The following SSBP2 variants were observed in gnomAD, a reference collection of about 807,000 sequenced individuals.
SSBP2 encodes single-stranded DNA-binding protein 2.
Under a neutral mutation model 61.8 loss-of-function variants are expected in SSBP2, and 17 were observed. The ratio of observed to expected loss-of-function variants is 0.28; its 90% CI spans 0.19 to 0.41. The LOEUF (loss-of-function observed/expected upper bound fraction) is 0.41. Ranked by LOEUF, SSBP2 falls within the 10% of genes least tolerant of loss-of-function variation. The probability of loss-of-function intolerance (pLI) is 1.00; values close to 1 mark genes in which losing one functional copy is unlikely to be tolerated. For synonymous variants in SSBP2, 139 were observed against 141.3 expected (o/e 0.98, Z 0.12); for missense variants, 310 against 458.7 (o/e 0.68, Z 2.96).
chr5:81,554,457 ATAAT>A (rs1772441378), intron 4 of SSBP2, among the ~76,000 whole-genome samples: 1 of 150,598 alleles, frequency 6.6e-6, no homozygotes. Flanking sequence ...ATTTTAGATA[ATAAT>A]TATATATTTA....
At chr5:81,477,274 A>C (rs528366210) in intron 6 of SSBP2, among the ~76,000 whole-genome samples, 1 of 152,296 alleles carries the variant, frequency 6.6e-6, no homozygotes, top group East Asian at 1.9e-4. Flanking sequence ...ATGCAGGTGT[A>C]TATGTACATG....
At chr5:81,701,898 G>C (rs1033804073) in intron 1 of SSBP2, among the ~76,000 whole-genome samples, 3 of 152,118 alleles carry the variant, frequency 2.0e-5, no homozygotes, top group Admixed American at 2.0e-4. Context: ...GTTAACCAAC[G>C]ATGCCAATTT....
intron 1 of SSBP2, among the ~76,000 whole-genome samples, chr5:81,653,347 C>T (rs1317718375): frequency 3.9e-5 from 6 of 152,156 alleles, no homozygotes; most frequent in Admixed American, 2.0e-4. Flanking sequence ...CAGTCTATCA[C>T]TGATGGGCAC....
chr5:81,527,469 G>A (rs1226149314), intron 4 of SSBP2, among the ~76,000 whole-genome samples: 1 of 152,022 alleles, frequency 6.6e-6, no homozygotes. Flanking sequence ...TTGCAGTAGT[G>A]CAATGAAATA....
intron 4 of SSBP2, among the ~76,000 whole-genome samples, chr5:81,585,982 T>C (rs977498405): frequency 5.9e-5 from 9 of 152,194 alleles, no homozygotes; most frequent in African/African-American, 7.2e-5. Flanking sequence ...ATTTCCTTTC[T>C]TTTTAAGGCT....
chr5:81,745,735 GT>G (rs1757314996), intron 1 of SSBP2, among the ~76,000 whole-genome samples: 1 of 151,808 alleles, frequency 6.6e-6, no homozygotes, highest in Non-Finnish European at 1.5e-5. Flanking sequence ...CAGTACTTTT[GT>G]CCTATGTCCC....
chr5:81,615,655 A>G, intron 3 of SSBP2, 98 bp from the exon 4 acceptor site: 2 of 814,238 alleles, frequency 2.5e-6, no homozygotes, highest in Non-Finnish European at 2.0e-6. Flanking sequence ...TTTATACAAA[A>G]TGTTTTGTCT....
At chr5:81,594,301 A>G (rs930233302) in intron 4 of SSBP2, among the ~76,000 whole-genome samples, 7 of 150,706 alleles carry the variant, frequency 4.6e-5, no homozygotes, top group African/African-American at 1.7e-4. Context: ...ACTATCCTAA[A>G]TATATAGGCA....
At chr5:81,423,455 G>C (rs1761739946) in intron 16 of SSBP2, among the ~76,000 whole-genome samples, 1 of 152,158 alleles carries the variant, frequency 6.6e-6, no homozygotes, top group Non-Finnish European at 1.5e-5. Flanking sequence ...TTTTAAAAAT[G>C]TTTCTGGGGC....
chr5:81,569,235 C>T (rs763418410), intron 4 of SSBP2, among the ~76,000 whole-genome samples: 1 of 152,120 alleles, frequency 6.6e-6, no homozygotes, highest in Non-Finnish European at 1.5e-5. Flanking sequence ...CTGACAAAAG[C>T]ATAGTGTAAC....
At chr5:81,688,707 T>C (rs1451228866) in intron 1 of SSBP2, among the ~76,000 whole-genome samples, 1 of 152,074 alleles carries the variant, frequency 6.6e-6, no homozygotes, top group Non-Finnish European at 1.5e-5. Context: ...CTTTATTGGG[T>C]TTGGGGCTCA....
intron 1 of SSBP2, among the ~76,000 whole-genome samples, chr5:81,690,511 A>AT (rs1226418042): frequency 6.6e-6 from 1 of 152,156 alleles, no homozygotes; most frequent in Non-Finnish European, 1.5e-5. Context: ...TGATAAAGTG[A>AT]TCAATTCAGC....
At chr5:81,584,392 A>G (rs903808382) in intron 4 of SSBP2, among the ~76,000 whole-genome samples, 1 of 152,222 alleles carries the variant, frequency 6.6e-6, no homozygotes, top group East Asian at 1.9e-4. Flanking sequence ...CTAGGCATTC[A>G]TAATTTTTAA....
chr5:81,574,150 CAAAACAAAACAAAACGA>C (rs1454722087), intron 4 of SSBP2, among the ~76,000 whole-genome samples: 1 of 151,556 alleles, frequency 6.6e-6, no homozygotes, highest in Admixed American at 6.6e-5. Context: ...CTAAAAAAAA[CAAAACAAAACAAAACGA>C]AAAACACATT....
intron 1 of SSBP2, among the ~76,000 whole-genome samples, chr5:81,694,339 CAAAAT>C (rs1325489714): frequency 1.3e-5 from 2 of 152,068 alleles, no homozygotes; most frequent in Non-Finnish European, 2.9e-5. Context: ...TTGTGTGTAA[CAAAAT>C]AAAAGAATAA....
At chr5:81,439,345 C>T (rs1762864952) in intron 14 of SSBP2, among the ~76,000 whole-genome samples, 1 of 152,002 alleles carries the variant, frequency 6.6e-6, no homozygotes, top group Admixed American at 6.6e-5. Flanking sequence ...TGCATTTGAC[C>T]TATGTGAATG....
intron 1 of SSBP2, among the ~76,000 whole-genome samples, chr5:81,687,300 G>A (rs2153827339): frequency 6.6e-6 from 1 of 152,354 alleles, no homozygotes; most frequent in South Asian, 2.1e-4. Flanking sequence ...GGAGCATATA[G>A]ACCAGCCCTA....
intron 4 of SSBP2, among the ~76,000 whole-genome samples, chr5:81,530,508 T>C (rs545985055): frequency 1.3e-5 from 2 of 151,778 alleles, no homozygotes; most frequent in African/African-American, 2.4e-5. Context: ...CCCCATTTGT[T>C]TTTTTTTTCT....
chr5:81,719,442 T>C (rs901244294), intron 1 of SSBP2, among the ~76,000 whole-genome samples: 6 of 152,192 alleles, frequency 3.9e-5, no homozygotes, highest in Admixed American at 1.3e-4. Context: ...GGTGTGGACA[T>C]TGAGAAATTC....
Sources: gnomAD v4.1 joint callset for allele counts (sites outside exome capture counted in the v4.1 genomes callset) on GRCh38, gnomAD v4.1.1 for gene constraint, MANE v1.5 for transcripts, NCBI Gene and HGNC (gene_info 2026-07-23, HGNC 2026-07-21) for gene names.